PAX6: variants seen among roughly 807,000 people sequenced by gnomAD.
PAX6 encodes the protein paired box protein Pax-6.
Under a neutral mutation model 60.7 loss-of-function variants are expected in PAX6, and 7 were observed. That is an observed-to-expected ratio of 0.12 (90% CI 0.07 to 0.22). The LOEUF (loss-of-function observed/expected upper bound fraction) is 0.22. PAX6 is among the 10% of genes least tolerant of loss of function. The probability of loss-of-function intolerance (pLI) is 1.00; values close to 1 mark genes in which losing one functional copy is unlikely to be tolerated. For synonymous variants in PAX6, 208 were observed against 201.2 expected, an observed-to-expected ratio of 1.03 and a Z score of -0.29; for missense variants, 355 against 555.2, an observed-to-expected ratio of 0.64 and a Z score of 3.62.
chr11:31,816,761 G>T, intron 1 of PAX6: 1 of 645,110 alleles, frequency 1.6e-6, no homozygotes, highest in Middle Eastern at 4.0e-4. Flanking sequence ...ACTGAGCTCC[G>T]AAGGTGCTCC....
chr11:31,800,456 A>G (rs1245948606), intron 8 of PAX6: 5 of 623,270 alleles, frequency 8.0e-6, no homozygotes, highest in African/African-American at 1.8e-5. Context: ...CGCACCCACC[A>G]GCCACCTTCA....
chr11:31,816,748 G>C, intron 1 of PAX6: 2 of 662,092 alleles, frequency 3.0e-6, no homozygotes, highest in Non-Finnish European at 5.5e-6. Flanking sequence ...CCTGTCACAG[G>C]TGACTGAGCT....
rs1957372700 is a variant in PAX6, at chr11:31,816,335, T to C, written c.-317+1474A>G. On this transcript the variant is annotated intron_variant, in intron 1 of 12. Transcript: ENST00000241001. ...GGGTCTGAGGAAAAAAAGACAAGCC[T>C]ATCACGGGCGCCCTCCGATCACGAA... is the stretch of plus-strand genomic sequence containing the variant. The C allele has an allele frequency of 7.3e-6, 4 of 551,446 alleles. No homozygotes were observed. The East Asian group carries it at 1.2e-4, about 17-fold the overall frequency. The allele number at this position is 551,446 out of a possible 1,614,324, so 34.2% of individuals were successfully genotyped here. A position where few individuals can be genotyped will look rare whatever the true frequency, so the allele number is the denominator to read the frequency against.
intron 8 of PAX6, among the ~76,000 whole-genome samples, chr11:31,796,398 C>A (rs1328520154): frequency 6.6e-6 from 1 of 151,796 alleles, no homozygotes; most frequent in East Asian, 1.9e-4. Context: ...AGTGTGTTAA[C>A]CCCTCTGCTC....
At chr11:31,800,533 A>G (rs1012426319) in intron 8 of PAX6, 158 bp downstream of exon 8, 2 of 904,788 alleles carry the variant, frequency 2.2e-6, no homozygotes, top group Admixed American at 3.4e-5. Context: ...AACACCACCT[A>G]CATACAATGT....
At position 31,802,785 on chromosome 11, in the gene PAX6, T is replaced by C. The variant is rs1954536427; in HGVS notation, c.60A>G (p.Pro20=). Residue 20 remains proline, a synonymous_variant, in exon 5 of 14, where the codon CCA becomes CCG. Transcript: ENST00000640368. ...TCTTCTGCCGGGTGGAGTCCGGCAG[T>C]GGCCGCCCGTTGACAAAGACACCAC... ...QLGGVFVNGR[P]LPDSTRQKIV... 6.2e-7 allele frequency: 1 copy of C among 1,613,472 alleles called. No individual in the cohort carries two copies. The highest frequency in any genetic ancestry group is 2.2e-5 in the East Asian group (1 of 44,824).
chr11:31,800,636 A>T (rs562417925), intron 8 of PAX6, 55 bp downstream of exon 8: 112 of 1,597,032 alleles, frequency 7.0e-5, no homozygotes, highest in Non-Finnish European at 9.5e-5. Context: ...AGAGTAGGGG[A>T]CAGGCAAAGG....
At chr11:31,798,485 C>T (rs931833352) in intron 8 of PAX6, among the ~76,000 whole-genome samples, 2 of 152,282 alleles carry the variant, frequency 1.3e-5, no homozygotes, top group East Asian at 3.9e-4. Context: ...GGGGGACCCT[C>T]TTAGCACCAA....
chr11:31,817,197 C>T (rs536349766), intron 1 of PAX6, among the ~76,000 whole-genome samples: 1 of 152,274 alleles, frequency 6.6e-6, no homozygotes, highest in Non-Finnish European at 1.5e-5. Flanking sequence ...CGAAGTGAAG[C>T]TCAAATCACA....
Position 31,793,458 on chromosome 11 carries a change from C to T in PAX6, c.1054G>A (p.Ala352Thr). The T allele has an allele frequency of 6.2e-7, 1 of 1,614,142 alleles. No individual in the cohort carries two copies. The highest frequency in any genetic ancestry group is 8.5e-7 in the Non-Finnish European group (1 of 1,180,010). Residue 352 changes from alanine to threonine, a missense_variant, in exon 12 of 14, where the codon GCA (alanine) becomes ACA (threonine). Coordinates refer to ENST00000640368, the MANE Select transcript of PAX6 (RefSeq NM_001368894.2). ...ALPPMPSFTM[A>T]NNLPMQPPVP... is the part of the protein sequence containing the mutation. ...CTTACTTGCATAGGCAGGTTATTTG[C>T]CATGGTGAAGCTGGGCATAGGCGGC...
At chr11:31,802,363 G>A (rs1269238946) in intron 5 of PAX6, 2 of 332,974 alleles carry the variant, frequency 6.0e-6, no homozygotes, top group East Asian at 6.5e-5. Context: ...AATTATGCCG[G>A]TTTATATAAC....
rs74750543 is a variant in PAX6 at position 31,816,591 on chromosome 11, C to T, written c.-317+1218G>A. ...ACTGCGAAGCAGGCGACCTGCTCGC[C>T]GCCCAGCTCCAGGGAGAGGAACCCG... On this transcript the variant is annotated intron_variant, in intron 1 of 12. Coordinates refer to the PAX6 transcript ENST00000241001. 2,166 of 702,584 alleles carry T rather than the reference C, an allele frequency of 3.1e-3. 28 individuals carry two copies. The African/African-American group carries it at 0.033, about 11-fold the overall frequency. 43.5% of individuals were successfully genotyped at this position (702,584 alleles called of 1,614,324 possible). A position where few individuals can be genotyped will look rare whatever the true frequency, so the allele number is the denominator to read the frequency against.
In PAX6 at chr11:31,789,757, G is replaced by A; in HGVS notation, c.*177C>T. On this transcript the variant is annotated 3_prime_UTR_variant, in exon 14 of 14. Coordinates refer to ENST00000640368, the MANE Select transcript of PAX6 (RefSeq NM_001368894.2). ...TGATATCGTGCCTTCTGTATACAAA[G>A]GTCCTTGTTTCAAGTCCATTCCTTC... is the stretch of plus-strand genomic sequence containing the variant. The A allele has an allele frequency of 4.2e-6, 3 of 714,938 alleles. No individual in the cohort carries two copies. Among genetic ancestry groups the A allele is most frequent in the Non-Finnish European group, 2.6e-6 (1 of 391,228 alleles). The allele number at this position is 714,938 out of a possible 1,614,324, so 44.3% of individuals were successfully genotyped here.
At chr11:31,792,272 T>C (rs899872150) in intron 12 of PAX6, 2 of 152,254 alleles carry the variant, frequency 1.3e-5, no homozygotes, top group African/African-American at 2.4e-5. Flanking sequence ...AACGCAGTTA[T>C]AGCAACACCA....
At chr11:31,813,186 GT>G (rs935442775), upstream of PAX6, 1 of 152,140 alleles carries the variant, frequency 6.6e-6, no homozygotes, top group African/African-American at 2.4e-5. Context: ...GGGTGTCCAG[GT>G]CCGCGGCCTC....
intron 4 of PAX6, chr11:31,804,379 C>A (rs920546568): frequency 3.3e-5 from 5 of 152,226 alleles, no homozygotes; most frequent in African/African-American, 1.2e-4. Flanking sequence ...GATTGAACTG[C>A]ACTTGTTTCC....
intron 8 of PAX6, among the ~76,000 whole-genome samples, chr11:31,795,285 A>T (rs1156313262): frequency 1.3e-5 from 2 of 152,228 alleles, no homozygotes; most frequent in South Asian, 2.1e-4. Flanking sequence ...AAAAATATTT[A>T]TCTAGTTTTT....
intron 7 of PAX6, 90 bp from the exon 8 acceptor site, chr11:31,800,946 C>A: frequency 7.2e-7 from 1 of 1,383,728 alleles, no homozygotes. Flanking sequence ...TAAAAAGCAA[C>A]TCTCAACCCG....
intron 8 of PAX6, among the ~76,000 whole-genome samples, chr11:31,796,628 C>A (rs1027960076): frequency 7.2e-6 from 1 of 139,392 alleles, no homozygotes; most frequent in Non-Finnish European, 1.5e-5. Context: ...ATTGGGGGGC[C>A]TGGGTTAGGG....
Sources: allele counts gnomAD v4.1 joint callset (sites outside exome capture counted in the v4.1 genomes callset), GRCh38; gene constraint gnomAD v4.1.1; transcripts MANE v1.5; gene names NCBI Gene and HGNC (gene_info 2026-07-23, HGNC 2026-07-21).